The following MDGA2 variants were observed in gnomAD, a reference collection of about 807,000 sequenced individuals.
MDGA2 encodes the protein MAM domain-containing glycosylphosphatidylinositol anchor protein 2.
MDGA2 carries 40 observed loss-of-function variants against 117.8 expected under a neutral mutation model. The ratio of observed to expected loss-of-function variants is 0.34; its 90% confidence interval spans 0.26 to 0.44. The LOEUF is 0.44. Among genes scored for constraint, MDGA2 ranks in the 20% least tolerant of loss-of-function variants. The pLI, the probability that MDGA2 is intolerant of heterozygous loss-of-function variation, is 1.00. For synonymous variants in MDGA2, 452 were observed against 439.0 expected, an observed-to-expected ratio of 1.03 and a Z score of -0.37; for missense variants, 1,123 against 1,250.6, an observed-to-expected ratio of 0.90 and a Z score of 1.54.
chr14:47,581,522 G>A (rs760899611), intron 1 of MDGA2, among the ~76,000 whole-genome samples: 4 of 151,914 alleles, frequency 2.6e-5, no homozygotes, highest in South Asian at 2.1e-4. Context: ...AAGTTCTACC[G>A]TATGAAATAC....
At chr14:47,022,107 C>G (rs890235491) in intron 8 of MDGA2, among the ~76,000 whole-genome samples, 8 of 151,826 alleles carry the variant, frequency 5.3e-5, no homozygotes, top group African/African-American at 1.9e-4. Context: ...TTTTTCGAGA[C>G]AGGGTTTCAC....
rs754231657 is a variant in MDGA2, at chr14:46,957,419, T to C, written c.2044A>G (p.Ile682Val). ...CTCCCAGCTCCAGCTTCATTTATGA[T>C]GCTACAGTTATAAACCCCATAGTTT... Reference protein sequence around the residue: ...NENYGVYNCSIINEAGAGRCS... With the variant: ...NENYGVYNCSVINEAGAGRCS... Residue 682 changes from isoleucine to valine, a missense_variant, in exon 9 of 17, where the codon ATC becomes GTC. Transcript: ENST00000399232. The C allele has an allele frequency of 1.5e-5, 25 of 1,613,998 alleles. No individual in the cohort carries two copies. Among genetic ancestry groups the C allele is most frequent in the Non-Finnish European group, 2.0e-5 (24 of 1,179,980 alleles).
intron 8 of MDGA2, among the ~76,000 whole-genome samples, chr14:46,969,582 CTTG>C (rs1886175885): frequency 6.6e-6 from 1 of 152,088 alleles, no homozygotes; most frequent in African/African-American, 2.4e-5. Context: ...CCTTCACCCA[CTTG>C]TTGATGGGGT....
chr14:47,178,511 G>A (rs1286765900), intron 3 of MDGA2, among the ~76,000 whole-genome samples: 1 of 152,030 alleles, frequency 6.6e-6, no homozygotes, highest in Non-Finnish European at 1.5e-5. Context: ...TTCTTTAAGA[G>A]TTTTACAAAA....
chr14:47,127,493 A>G (rs1044103250), intron 5 of MDGA2, among the ~76,000 whole-genome samples: 1 of 152,158 alleles, frequency 6.6e-6, no homozygotes, highest in African/African-American at 2.4e-5. Context: ...TTGAATGTGT[A>G]AAGTATGAAG....
chr14:47,107,823 C>A (rs1382240259), intron 5 of MDGA2, among the ~76,000 whole-genome samples: 2 of 151,158 alleles, frequency 1.3e-5, no homozygotes, highest in African/African-American at 2.4e-5. Flanking sequence ...GCCCTCATGT[C>A]TGCGTGCAGT....
At chr14:46,961,409 A>G (rs1034849490) in intron 8 of MDGA2, among the ~76,000 whole-genome samples, 1 of 152,124 alleles carries the variant, frequency 6.6e-6, no homozygotes, top group Non-Finnish European at 1.5e-5. Context: ...TCTGTACTGC[A>G]TTATGAATAA....
At chr14:47,062,126 T>C (rs866246171) in intron 6 of MDGA2, among the ~76,000 whole-genome samples, 21 of 152,160 alleles carry the variant, frequency 1.4e-4, no homozygotes, top group Admixed American at 2.6e-4. Context: ...TTTTCATATA[T>C]TGAAATAATC....
chr14:47,031,096 A>C (rs1419592135), intron 8 of MDGA2, among the ~76,000 whole-genome samples: 1 of 152,018 alleles, frequency 6.6e-6, no homozygotes, highest in Non-Finnish European at 1.5e-5. Flanking sequence ...TTGTATAAAC[A>C]TTATAATTTT....
At chr14:47,285,229 C>T (rs908792712) in intron 2 of MDGA2, among the ~76,000 whole-genome samples, 9 of 152,136 alleles carry the variant, frequency 5.9e-5, no homozygotes, top group African/African-American at 2.2e-4. Context: ...ACAATGTTCC[C>T]TCAAAGCCTT....
At chr14:47,529,244 A>G (rs1464463655) in intron 1 of MDGA2, among the ~76,000 whole-genome samples, 1 of 152,182 alleles carries the variant, frequency 6.6e-6, no homozygotes, top group African/African-American at 2.4e-5. Context: ...GTTTATTTTC[A>G]GATAACCATC....
intron 1 of MDGA2, among the ~76,000 whole-genome samples, chr14:47,608,917 G>T (rs755688554): frequency 6.6e-6 from 1 of 151,826 alleles, no homozygotes; most frequent in African/African-American, 2.4e-5. Context: ...GTTGGAATTT[G>T]GTCTGGAGAG....
intron 3 of MDGA2, chr14:47,200,454 A>G (rs7156600): frequency 0.062 from 29,154 of 466,638 alleles, 1,099 homozygotes; most frequent in African/African-American, 0.11. Flanking sequence ...CATAATCAAT[A>G]TATGACATTA....
intron 1 of MDGA2, among the ~76,000 whole-genome samples, chr14:47,312,495 T>C (rs757492883): frequency 6.6e-6 from 1 of 152,074 alleles, no homozygotes; most frequent in Non-Finnish European, 1.5e-5. Flanking sequence ...TTAGAGTTTG[T>C]TAATAAAATA....
At chr14:47,589,969 A>G (rs1420657078) in intron 1 of MDGA2, among the ~76,000 whole-genome samples, 1 of 151,670 alleles carries the variant, frequency 6.6e-6, no homozygotes, top group Non-Finnish European at 1.5e-5. Flanking sequence ...TGGATTGTTC[A>G]TTTGCCAGTG....
chr14:47,200,529 C>CTTT (rs1566677695), intron 3 of MDGA2: 21 of 586,086 alleles, frequency 3.6e-5, no homozygotes, highest in Middle Eastern at 4.8e-4. Context: ...TTTTCTTTTT[C>CTTT]TTTTCTTTTT....
intron 1 of MDGA2, among the ~76,000 whole-genome samples, chr14:47,509,041 G>A (rs1235864913): frequency 6.6e-6 from 1 of 152,124 alleles, no homozygotes; most frequent in African/African-American, 2.4e-5. Context: ...GATGGTTGCA[G>A]ATACAGACAG....
intron 11 of MDGA2, among the ~76,000 whole-genome samples, chr14:46,878,338 A>G (rs1348722528): frequency 1.3e-5 from 2 of 152,000 alleles, no homozygotes; most frequent in Non-Finnish European, 2.9e-5. Context: ...TGGATGAAGG[A>G]CAGCATTGAT....
intron 7 of MDGA2, among the ~76,000 whole-genome samples, chr14:47,043,412 G>A (rs953213748): frequency 8.6e-5 from 13 of 152,008 alleles, no homozygotes; most frequent in Admixed American, 4.6e-4. Context: ...ATTTTTTTGT[G>A]TGTGGTGGTG....
Sources: allele counts gnomAD v4.1 joint callset (sites outside exome capture counted in the v4.1 genomes callset), GRCh38; gene constraint gnomAD v4.1.1; transcripts MANE v1.5; gene names NCBI Gene and HGNC (gene_info 2026-07-23, HGNC 2026-07-21).